Variants in EFL1 observed in about 807,000 individuals in gnomAD.
EFL1 encodes elongation factor-like GTPase 1.
In EFL1, 76 loss-of-function variants were observed where a neutral mutation model predicts 126.7. The ratio of observed to expected loss-of-function variants is 0.60; its 90% CI spans 0.50 to 0.73. The LOEUF (loss-of-function observed/expected upper bound fraction) is 0.73, where lower values mean the gene tolerates loss of function less well. EFL1 is among the 30% of genes least tolerant of loss of function. The pLI is 0.00. For synonymous variants in EFL1, 410 were observed against 448.4 expected (o/e 0.91, Z 1.08); for missense variants, 1,128 against 1,343.2 (o/e 0.84, Z 2.50).
chr15:82,241,557 T>C (rs929709901), intron 4 of EFL1, among the ~76,000 whole-genome samples, 154 bp from the exon 5 acceptor site: 1 of 152,228 alleles, frequency 6.6e-6, no homozygotes, highest in Non-Finnish European at 1.5e-5. Flanking sequence ...CATTCCAACT[T>C]TTCCCACTGA....
At chr15:82,228,351 A>G in intron 9 of EFL1, 24 bp from the exon 10 acceptor site, 1 of 1,609,546 alleles carries the variant, frequency 6.2e-7, no homozygotes, top group Non-Finnish European at 8.5e-7. Context: ...AAGATTGGAG[A>G]GGGGAAATGT....
At chr15:82,155,075 A>G (rs2073953374) in intron 17 of EFL1, among the ~76,000 whole-genome samples, 2 of 152,160 alleles carry the variant, frequency 1.3e-5, no homozygotes, top group South Asian at 4.1e-4. Context: ...AGATTCACCT[A>G]TGTTTTATAT....
chr15:82,182,520 T>C (rs2074261812), intron 15 of EFL1, among the ~76,000 whole-genome samples: 1 of 152,098 alleles, frequency 6.6e-6, no homozygotes, highest in Non-Finnish European at 1.5e-5. Context: ...GATGGCAAGA[T>C]GCCTGTAAAT....
At chr15:82,217,872 C>G (rs2074667624) in intron 14 of EFL1, among the ~76,000 whole-genome samples, 1 of 152,184 alleles carries the variant, frequency 6.6e-6, no homozygotes, top group Admixed American at 6.5e-5. Context: ...TCCTTCTACT[C>G]TCTTATATGG....
At chr15:82,144,117 CA>C (rs1302006660) in intron 18 of EFL1, among the ~76,000 whole-genome samples, 1 of 152,012 alleles carries the variant, frequency 6.6e-6, no homozygotes, top group African/African-American at 2.4e-5. Flanking sequence ...AAAAAGTTAG[CA>C]GGGAATGGTG....
intron 4 of EFL1, among the ~76,000 whole-genome samples, chr15:82,250,127 C>T (rs1194536140): frequency 6.7e-6 from 1 of 148,380 alleles, no homozygotes; most frequent in Non-Finnish European, 1.5e-5. Flanking sequence ...CTAGGTTCCC[C>T]TTCAGACGTC....
At chr15:82,161,112 T>A (rs1354953336) in intron 16 of EFL1, among the ~76,000 whole-genome samples, 1 of 152,010 alleles carries the variant, frequency 6.6e-6, no homozygotes, top group Non-Finnish European at 1.5e-5. Context: ...GAAGAACAAA[T>A]GCTCACGATT....
At chr15:82,233,202 G>T (rs535282699) in intron 7 of EFL1, among the ~76,000 whole-genome samples, 1 of 151,864 alleles carries the variant, frequency 6.6e-6, no homozygotes, top group African/African-American at 2.4e-5. Flanking sequence ...TTTTTATCCC[G>T]TAGTTACTAC....
chr15:82,145,463 T>C (rs1301595852), intron 18 of EFL1, among the ~76,000 whole-genome samples: 4 of 151,846 alleles, frequency 2.6e-5, no homozygotes, highest in Non-Finnish European at 5.9e-5. Context: ...TACATACCTA[T>C]AAAAATTAAA....
At chr15:82,247,034 A>G (rs2074979041) in intron 4 of EFL1, among the ~76,000 whole-genome samples, 1 of 152,146 alleles carries the variant, frequency 6.6e-6, no homozygotes, top group African/African-American at 2.4e-5. Context: ...CAAGAACCAA[A>G]GAGACTGAAG....
rs114357868 is a variant in EFL1 at position 82,148,637 on chromosome 15, C to T, written c.2989+2828G>A. Among the ~76,000 whole-genome samples the T allele has an allele frequency of 6.9e-3, 1,046 of 152,222 alleles. 7 individuals carry two copies. The highest frequency in any genetic ancestry group is 0.013 in the African/African-American group (535 of 41,528). The stretch of plus-strand genomic sequence containing the variant: ...TGAAGTGGGAGAACACTGAAGTTCA[C>T]GGTAGCTCAGCAGTTGATGACTAAG... On this transcript the variant is annotated intron_variant, in intron 18 of 19. Transcript: ENST00000268206.
At chr15:82,131,020 G>C (rs1231882337) in intron 19 of EFL1, among the ~76,000 whole-genome samples, 1 of 144,112 alleles carries the variant, frequency 6.9e-6, no homozygotes, top group Non-Finnish European at 1.5e-5. Flanking sequence ...AACTTAAAAA[G>C]AAAAAAAAAA....
intron 12 of EFL1, among the ~76,000 whole-genome samples, chr15:82,222,467 T>C (rs747622090): frequency 6.6e-6 from 1 of 152,224 alleles, no homozygotes; most frequent in African/African-American, 2.4e-5. Context: ...AGAAGTGTAT[T>C]TGTTCACTTG....
intron 15 of EFL1, among the ~76,000 whole-genome samples, chr15:82,211,577 CACACT>C (rs1441008720): frequency 1.6e-5 from 2 of 127,146 alleles, no homozygotes; most frequent in Non-Finnish European, 3.4e-5. Context: ...CACACACACA[CACACT>C]AGACACATAC....
intron 18 of EFL1, among the ~76,000 whole-genome samples, chr15:82,149,852 T>C (rs1245937508): frequency 6.6e-6 from 1 of 152,208 alleles, no homozygotes; most frequent in Non-Finnish European, 1.5e-5. Context: ...GGCTGTGCAC[T>C]GGCCATCAAT....
chr15:82,182,496 G>A (rs1020722336), intron 15 of EFL1, among the ~76,000 whole-genome samples: 4 of 152,064 alleles, frequency 2.6e-5, no homozygotes, highest in African/African-American at 9.7e-5. Context: ...GAAACGACAG[G>A]TTGGGCCAAA....
chr15:82,208,100 T>C (rs1410233915), intron 15 of EFL1, among the ~76,000 whole-genome samples: 1 of 152,168 alleles, frequency 6.6e-6, no homozygotes, highest in Non-Finnish European at 1.5e-5. Flanking sequence ...TTTAAAACAT[T>C]AACTATATAT....
At chr15:82,151,398 T>C in intron 18 of EFL1, 67 bp downstream of exon 18, 2 of 1,453,092 alleles carry the variant, frequency 1.4e-6, no homozygotes, top group South Asian at 2.7e-5. Flanking sequence ...AAAAACAAGA[T>C]TTTGAGTCTA....
At chr15:82,180,203 C>T (rs1307396131) in intron 15 of EFL1, among the ~76,000 whole-genome samples, 1 of 152,106 alleles carries the variant, frequency 6.6e-6, no homozygotes, top group South Asian at 2.1e-4. Context: ...CTCCCCAACT[C>T]CTACTCACTA....
Sources: allele counts gnomAD v4.1 joint callset (sites outside exome capture counted in the v4.1 genomes callset), GRCh38; gene constraint gnomAD v4.1.1; transcripts MANE v1.5; gene names NCBI Gene and HGNC (gene_info 2026-07-23, HGNC 2026-07-21).